Variants in PIR observed in about 807,000 individuals in gnomAD.
PIR encodes the protein pirin.
Under a neutral mutation model 24.2 loss-of-function variants are expected in PIR, and 22 were observed. The ratio of observed to expected loss-of-function variants is 0.91; its 90% CI spans 0.65 to 1.30. PIR has a LOEUF of 1.30. PIR is among the 50% of genes most tolerant of loss of function. The probability of loss-of-function intolerance (pLI) is 0.00; values close to 1 mark genes in which losing one functional copy is unlikely to be tolerated. For synonymous variants in PIR, 80 were observed against 79.6 expected, an observed-to-expected ratio of 1.00 and a Z score of -0.03; for missense variants, 220 against 220.3, an observed-to-expected ratio of 1.00 and a Z score of 0.01.
intron 6 of PIR, among the ~76,000 whole-genome samples, chrX:15,417,865 C>T (rs1333472090): frequency 9.0e-6 from 1 of 111,195 alleles, no homozygotes; most frequent in Non-Finnish European, 1.9e-5. Context: ...TCATTTATGA[C>T]ACAGGGTCCA....
At chrX:15,435,996 C>T (rs1378622454) in intron 5 of PIR, among the ~76,000 whole-genome samples, 7 of 111,946 alleles carry the variant, frequency 6.3e-5, no homozygotes, top group Admixed American at 9.5e-5. Flanking sequence ...CCAAAGGTAT[C>T]GTGGGAAGGA....
chrX:15,425,542 G>T (rs1925282182), intron 6 of PIR, among the ~76,000 whole-genome samples: 1 of 109,390 alleles, frequency 9.1e-6, no homozygotes, highest in Admixed American at 9.8e-5. Flanking sequence ...CTCCCAAGTA[G>T]CTGGGACTAC....
chrX:15,446,173 T>C (rs1048245843), intron 5 of PIR, among the ~76,000 whole-genome samples: 6 of 111,859 alleles, frequency 5.4e-5, no homozygotes, highest in African/African-American at 2.0e-4. Flanking sequence ...ATTTGAAAAG[T>C]TTAAAAAAAC....
At chrX:15,401,632 C>T (rs1924389723) in intron 7 of PIR, among the ~76,000 whole-genome samples, 1 of 111,653 alleles carries the variant, frequency 9.0e-6, no homozygotes, top group Admixed American at 9.5e-5. Flanking sequence ...AAATAGTTTC[C>T]ACTGGGAATC....
In PIR at chrX:15,425,970, T is replaced by G. The variant is rs769537322; in HGVS notation, c.501A>C (p.Thr167=). The G allele has an allele frequency of 5.1e-6, 6 of 1,186,687 alleles. No individual in the cohort carries two copies. Among genetic ancestry groups the G allele is most frequent in the Non-Finnish European group, 6.9e-6 (6 of 872,840 alleles). The change falls in exon 6 of 10, where the codon ACA becomes ACC. Residue 167 remains threonine (T), a synonymous_variant. Coordinates refer to ENST00000380420, the MANE Select transcript of PIR (RefSeq NM_001018109.3). ...ATTTGAAGTCCAAATATAAGGTTGG[T>G]GTGCGAGTGTAAACCTTGGACTGAA... ...LGIKSKVYTR[T]PTLYLDFKLD...
chrX:15,460,759 G>A (rs1156298139), intron 3 of PIR, among the ~76,000 whole-genome samples: 1 of 111,497 alleles, frequency 9.0e-6, no homozygotes, highest in Admixed American at 9.5e-5. Flanking sequence ...CTTGATTGTG[G>A]TAATCATTCC....
At chrX:15,453,953 C>T (rs747483194) in intron 5 of PIR, among the ~76,000 whole-genome samples, 2 of 111,593 alleles carry the variant, frequency 1.8e-5, no homozygotes, top group East Asian at 2.8e-4. Context: ...TATATGAAAT[C>T]GGGCAAAGTC....
chrX:15,478,388 G>T (rs994403703), intron 3 of PIR: 5 of 112,326 alleles, frequency 4.5e-5, no homozygotes, highest in Non-Finnish European at 9.4e-5. Flanking sequence ...TATCCGAAAA[G>T]ACCTTGAAGG....
chrX:15,449,594 A>T (rs1237561009), intron 5 of PIR, among the ~76,000 whole-genome samples: 2 of 112,332 alleles, frequency 1.8e-5, no homozygotes, highest in Non-Finnish European at 3.8e-5. Context: ...TATTGTTTCC[A>T]GAAACTGCCT....
At chrX:15,387,555 G>A (rs1042348617) in intron 9 of PIR, among the ~76,000 whole-genome samples, 1 of 111,492 alleles carries the variant, frequency 9.0e-6, no homozygotes, top group African/African-American at 3.3e-5. Flanking sequence ...AAGAAAAAGA[G>A]AGTTAACATA....
intron 2 of PIR, among the ~76,000 whole-genome samples, chrX:15,488,522 GTT>G (rs1569213689): frequency 1.8e-5 from 2 of 110,957 alleles, no homozygotes; most frequent in African/African-American, 6.6e-5. Context: ...TTAAAATGAT[GTT>G]TATGAAGAAT....
intron 3 of PIR, chrX:15,464,543 G>A: frequency 2.6e-6 from 1 of 389,806 alleles, no homozygotes; most frequent in Non-Finnish European, 3.3e-6. Context: ...AATCAGAAGA[G>A]TAGCTCCATA....
chrX:15,466,839 T>A (rs1486773064), intron 3 of PIR, among the ~76,000 whole-genome samples: 1 of 112,166 alleles, frequency 8.9e-6, no homozygotes, highest in Non-Finnish European at 1.9e-5. Flanking sequence ...TGTTACTGCC[T>A]AAGAAAGGCC....
chrX:15,387,580 T>G (rs1008810442), intron 9 of PIR, among the ~76,000 whole-genome samples: 3 of 111,115 alleles, frequency 2.7e-5, no homozygotes, highest in African/African-American at 6.6e-5. Flanking sequence ...GAATAAACAA[T>G]AAACCCAAGA....
intron 5 of PIR, among the ~76,000 whole-genome samples, chrX:15,430,895 A>G (rs1925484419): frequency 1.8e-5 from 2 of 112,045 alleles, no homozygotes; most frequent in Admixed American, 9.5e-5. Flanking sequence ...CCTTTGACAG[A>G]TAACTGCTGC....
Position 15,479,739 on chromosome X carries a change from C to A in PIR, c.179G>T (p.Gly60Val), listed in dbSNP as rs1459166472. Residue 60 changes from glycine to valine, a missense_variant, in exon 3 of 10, where the codon GGT (glycine) becomes GTT (valine). By Grantham distance (109) the Gly-to-Val change is moderately radical. Coordinates refer to ENST00000380420, the MANE Select transcript of PIR (RefSeq NM_001018109.3). ...PGGFPDHPHR[G>V]FETVSYLLEG... ...AATTATTGTACTTACTGTTTCAAAA[C>A]CTCGATGTGGATGATCAGGAAATCC... 1.8e-6 allele frequency: 2 copies of A among 1,136,461 alleles called. No individual in the cohort carries two copies. Among genetic ancestry groups the A allele is most frequent in the Non-Finnish European group, 2.4e-6 (2 of 835,002 alleles). 93.7% of individuals were successfully genotyped at this position (1,136,461 alleles called of 1,213,427 possible).
intron 5 of PIR, among the ~76,000 whole-genome samples, chrX:15,453,292 A>G (rs1448582104): frequency 1.8e-5 from 2 of 112,465 alleles, no homozygotes; most frequent in Non-Finnish European, 3.7e-5. Flanking sequence ...ATTAATCAAA[A>G]TAATAACTGC....
intron 7 of PIR, among the ~76,000 whole-genome samples, chrX:15,401,560 CA>C (rs1057465347): frequency 1.8e-5 from 2 of 111,501 alleles, no homozygotes; most frequent in African/African-American, 6.6e-5. Flanking sequence ...AAATAAGTCT[CA>C]AAAAATATAT....
At chrX:15,416,899 G>A (rs1924938460) in intron 6 of PIR, among the ~76,000 whole-genome samples, 1 of 111,718 alleles carries the variant, frequency 9.0e-6, no homozygotes, top group Non-Finnish European at 1.9e-5. Flanking sequence ...TCCCAGTCAA[G>A]CCTTGAGATG....
Sources: gnomAD v4.1 joint callset for allele counts (sites outside exome capture counted in the v4.1 genomes callset) on GRCh38, gnomAD v4.1.1 for gene constraint, MANE v1.5 for transcripts, NCBI Gene and HGNC (gene_info 2026-07-23, HGNC 2026-07-21) for gene names.